The following CNTNAP5 variants were observed in gnomAD, a reference collection of about 807,000 sequenced individuals.
CNTNAP5 encodes the protein contactin-associated protein-like 5.
Under a neutral mutation model 150.2 loss-of-function variants are expected in CNTNAP5, and 72 were observed. The ratio of observed to expected loss-of-function variants is 0.48; its 90% CI spans 0.40 to 0.58. The LOEUF is 0.58. Ranked by LOEUF, CNTNAP5 falls within the 20% of genes least tolerant of loss-of-function variation. The probability of loss-of-function intolerance (pLI) is 0.00; values close to 1 mark genes in which losing one functional copy is unlikely to be tolerated. For synonymous variants in CNTNAP5, 672 were observed against 619.8 expected (o/e 1.08, Z -1.25); for missense variants, 1,636 against 1,626.2 (o/e 1.01, Z -0.10).
At chr2:124,496,142 C>T (rs1694138329) in intron 7 of CNTNAP5, among the ~76,000 whole-genome samples, 1 of 151,990 alleles carries the variant, frequency 6.6e-6, no homozygotes, top group South Asian at 2.1e-4. Context: ...AAATAGAGAA[C>T]TGCTAAATAA....
At chr2:124,699,315 A>C (rs1012556666) in intron 13 of CNTNAP5, among the ~76,000 whole-genome samples, 58 of 152,214 alleles carry the variant, frequency 3.8e-4, no homozygotes, top group African/African-American at 1.3e-3. Flanking sequence ...TATGCTTTGG[A>C]TGCGTTGCCT....
intron 12 of CNTNAP5, among the ~76,000 whole-genome samples, chr2:124,616,859 C>T (rs989555983): frequency 4.6e-5 from 7 of 152,076 alleles, no homozygotes; most frequent in Non-Finnish European, 8.8e-5. Context: ...GCCAGTAGAG[C>T]AGTCAGAACA....
chr2:124,474,150 T>C (rs1230506238), intron 6 of CNTNAP5, among the ~76,000 whole-genome samples: 1 of 152,108 alleles, frequency 6.6e-6, no homozygotes, highest in African/African-American at 2.4e-5. Flanking sequence ...TACTTCCCAT[T>C]ATATTACAAA....
chr2:124,788,811 T>G (rs1402418303), intron 17 of CNTNAP5, among the ~76,000 whole-genome samples: 1 of 152,204 alleles, frequency 6.6e-6, no homozygotes, highest in Non-Finnish European at 1.5e-5. Flanking sequence ...TTTTGTATTT[T>G]TAGTAGAAAT....
chr2:124,466,928 T>C (rs1693391260), intron 6 of CNTNAP5, among the ~76,000 whole-genome samples: 1 of 152,160 alleles, frequency 6.6e-6, no homozygotes. Context: ...AAATGAAATC[T>C]GTGAAGGAAA....
At chr2:124,858,710 A>G (rs2104712095) in intron 19 of CNTNAP5, among the ~76,000 whole-genome samples, 1 of 152,332 alleles carries the variant, frequency 6.6e-6, no homozygotes, top group South Asian at 2.1e-4. Context: ...ATGGATACAC[A>G]AAAAATAAAA....
chr2:124,823,760 C>G (rs572115742), intron 19 of CNTNAP5, among the ~76,000 whole-genome samples: 1 of 152,052 alleles, frequency 6.6e-6, no homozygotes, highest in Non-Finnish European at 1.5e-5. Context: ...CCATGGAGGG[C>G]ATTGTATAGA....
chr2:124,044,148 C>T (rs1681464984), intron 1 of CNTNAP5, among the ~76,000 whole-genome samples: 1 of 152,142 alleles, frequency 6.6e-6, no homozygotes, highest in Non-Finnish European at 1.5e-5. Flanking sequence ...TTTAATATAG[C>T]CTCTGTCTAT....
intron 8 of CNTNAP5, among the ~76,000 whole-genome samples, chr2:124,512,052 G>A (rs6707283): frequency 0.98 from 148,917 of 151,886 alleles, 73,078 homozygotes; most frequent in East Asian, 1. Context: ...GAACAATATT[G>A]GTTGTAGGTA....
chr2:124,645,086 T>A (rs1251497925), intron 12 of CNTNAP5, among the ~76,000 whole-genome samples: 1 of 152,232 alleles, frequency 6.6e-6, no homozygotes, highest in African/African-American at 2.4e-5. Context: ...TCTTTATTTC[T>A]CCCTCTACAA....
chr2:124,840,788 C>T (rs760867101), intron 19 of CNTNAP5, among the ~76,000 whole-genome samples: 3 of 152,066 alleles, frequency 2.0e-5, no homozygotes, highest in Non-Finnish European at 4.4e-5. Flanking sequence ...AATTGACCAT[C>T]ATTTATACTT....
At chr2:124,165,972 A>G (rs1273480223) in intron 1 of CNTNAP5, among the ~76,000 whole-genome samples, 1 of 152,216 alleles carries the variant, frequency 6.6e-6, no homozygotes, top group Admixed American at 6.5e-5. Context: ...CAGCCCGCTC[A>G]TTCATCCTTG....
chr2:124,579,354 T>C (rs751115917), intron 11 of CNTNAP5, among the ~76,000 whole-genome samples: 14 of 152,218 alleles, frequency 9.2e-5, no homozygotes, highest in Admixed American at 2.0e-4. Context: ...ATAGAATTGC[T>C]CTAAATTACT....
chr2:124,742,002 T>C (rs970381746), intron 13 of CNTNAP5, among the ~76,000 whole-genome samples: 2 of 152,136 alleles, frequency 1.3e-5, no homozygotes, highest in South Asian at 4.1e-4. Flanking sequence ...ATTAGAAAAA[T>C]AGAAACCTGC....
At chr2:124,114,105 A>C (rs918925300) in intron 1 of CNTNAP5, among the ~76,000 whole-genome samples, 1 of 151,968 alleles carries the variant, frequency 6.6e-6, no homozygotes, top group Non-Finnish European at 1.5e-5. Flanking sequence ...CTTATTTTTA[A>C]TTTTTTATAC....
intron 1 of CNTNAP5, among the ~76,000 whole-genome samples, chr2:124,149,901 C>T (rs1051854646): frequency 1.3e-5 from 2 of 152,134 alleles, no homozygotes; most frequent in Non-Finnish European, 2.9e-5. Context: ...CAGACCATTC[C>T]TGATGGAGAT....
intron 13 of CNTNAP5, among the ~76,000 whole-genome samples, chr2:124,660,291 A>G (rs895384068): frequency 2.0e-5 from 3 of 152,146 alleles, no homozygotes; most frequent in Non-Finnish European, 4.4e-5. Flanking sequence ...GGTCTAGGGA[A>G]GAGTTAAAAA....
At chr2:124,138,870 A>G (rs1684038720) in intron 1 of CNTNAP5, among the ~76,000 whole-genome samples, 1 of 151,710 alleles carries the variant, frequency 6.6e-6, no homozygotes, top group Non-Finnish European at 1.5e-5. Flanking sequence ...AGCCCTCTAG[A>G]TTTACTTATA....
intron 1 of CNTNAP5, among the ~76,000 whole-genome samples, chr2:124,133,255 T>G (rs1683901162): frequency 6.6e-6 from 1 of 152,140 alleles, no homozygotes; most frequent in African/African-American, 2.4e-5. Context: ...TCCTTCTGTT[T>G]TAAGTGAGTG....
Sources: gnomAD v4.1 joint callset for allele counts (sites outside exome capture counted in the v4.1 genomes callset) on GRCh38, gnomAD v4.1.1 for gene constraint, MANE v1.5 for transcripts, NCBI Gene and HGNC (gene_info 2026-07-23, HGNC 2026-07-21) for gene names.